The following LCK variants were observed in gnomAD, a reference collection of about 807,000 sequenced individuals.
The protein encoded by LCK is tyrosine-protein kinase Lck.
A neutral mutation model predicts 64.6 loss-of-function variants in LCK; 14 were observed. That is an observed-to-expected ratio of 0.22 (90% CI 0.14 to 0.34). The LOEUF (loss-of-function observed/expected upper bound fraction) is 0.34. LCK is among the 10% of genes least tolerant of loss of function. The pLI, the probability that LCK is intolerant of heterozygous loss-of-function variation, is 1.00. For synonymous variants in LCK, 277 were observed against 263.6 expected (o/e 1.05, Z -0.49); for missense variants, 434 against 668.1 (o/e 0.65, Z 3.86).
chr1:32,256,422 C>A (rs964040578), intron 1 of LCK, among the ~76,000 whole-genome samples: 3 of 151,974 alleles, frequency 2.0e-5, no homozygotes, highest in African/African-American at 7.2e-5. Context: ...CATGGTGAAA[C>A]CCTGTCTCTA....
In LCK at chr1:32,275,440, G is replaced by C. The variant is rs1640230929; in HGVS notation, c.377+21G>C. 1.2e-6 allele frequency: 2 copies of C among 1,612,044 alleles called. No homozygotes were observed. The highest frequency in any genetic ancestry group is 2.2e-5 in the South Asian group (2 of 90,962). On this transcript the variant is annotated intron_variant, in intron 5 of 12. Coordinates refer to ENST00000336890, the MANE Select transcript of LCK (RefSeq NM_005356.5). The surrounding 1 kb of genome is among the most constrained non-coding windows in gnomAD (Gnocchi z 6.9). ...GAACCGTAAGTGGGGACCCGTCGTG[G>C]GGGTGGGTAGGAGCAGATCTAGGGA...
At chr1:32,253,200 C>T (rs1340998889) in intron 1 of LCK, among the ~76,000 whole-genome samples, 1 of 152,092 alleles carries the variant, frequency 6.6e-6, no homozygotes, top group Non-Finnish European at 1.5e-5. Context: ...ACCCTGTCTT[C>T]GTTAAAAATG....
At chr1:32,272,623 A>AGAGAGAGAGAGAGAG in intron 1 of LCK, among the ~76,000 whole-genome samples, 1 of 123,148 alleles carries the variant, frequency 8.1e-6, no homozygotes, top group South Asian at 2.6e-4. Context: ...GAGAGAGAGA[A>AGAGAGAGAGAGAGAG]AGAGAGAGAG....
In LCK at chr1:32,276,011, C is replaced by G; in HGVS notation, c.579C>G (p.Ile193Met). The change falls in exon 7 of 13, where the codon ATC becomes ATG. Residue 193 changes from isoleucine (I) to methionine (M), a missense_variant. Coordinates refer to ENST00000336890, the MANE Select transcript of LCK (RefSeq NM_005356.5). This position sits in a 1 kb window ranked among gnomAD's most constrained non-coding sequence, Gnocchi z 4.6. ...ATCTGGACAACGGTGGCTTCTACAT[C>G]TCCCCTCGAATCACTTTTCCCGGCC... ...IRNLDNGGFY[I>M]SPRITFPGLH... The G allele has an allele frequency of 2.5e-6, 4 of 1,614,154 alleles. No homozygotes were observed. The highest frequency in any genetic ancestry group is 3.4e-6 in the Non-Finnish European group (4 of 1,180,002).
chr1:32,266,064 A>G (rs2124327754), intron 1 of LCK, among the ~76,000 whole-genome samples: 1 of 152,084 alleles, frequency 6.6e-6, no homozygotes, highest in East Asian at 1.9e-4. Flanking sequence ...GGCTCAAGTG[A>G]TCCTCCCCAC....
At chr1:32,274,206 C>T (rs1226871403) in intron 1 of LCK, 119 bp from the exon 2 acceptor site, 17 of 1,548,498 alleles carry the variant, frequency 1.1e-5, no homozygotes, top group Non-Finnish European at 1.5e-5. Context: ...GAATGGGGAT[C>T]CCAGGATCTC....
intron 1 of LCK, among the ~76,000 whole-genome samples, chr1:32,272,952 T>A (rs895036355): frequency 2.4e-5 from 3 of 126,288 alleles, no homozygotes; most frequent in African/African-American, 9.5e-5. Context: ...GAGGGGAGAA[T>A]GTGTGTGTGT....
chr1:32,257,802 G>A (rs1639665711), intron 1 of LCK, among the ~76,000 whole-genome samples: 1 of 152,114 alleles, frequency 6.6e-6, no homozygotes, highest in African/African-American at 2.4e-5. Context: ...CTGGTTGGGG[G>A]ACTTCTACTA....
At chr1:32,265,954 C>A (rs1029545566) in intron 1 of LCK, among the ~76,000 whole-genome samples, 1 of 152,126 alleles carries the variant, frequency 6.6e-6, no homozygotes, top group Non-Finnish European at 1.5e-5. Context: ...TGAGCTACAG[C>A]ACCCGGCCTT....
At chr1:32,273,368 G>A (rs1389141826) in intron 1 of LCK, among the ~76,000 whole-genome samples, 1 of 151,022 alleles carries the variant, frequency 6.6e-6, no homozygotes, top group Non-Finnish European at 1.5e-5. Flanking sequence ...GTGAGAGTGT[G>A]TGTGTGTAGG....
intron 1 of LCK, among the ~76,000 whole-genome samples, chr1:32,265,182 CAA>C (rs557764597): frequency 1.9e-4 from 18 of 95,602 alleles, no homozygotes; most frequent in Non-Finnish European, 2.0e-4. Flanking sequence ...GACTTTGTCT[CAA>C]AAAAAAAAAA....
At chr1:32,260,662 C>T (rs1282206751) in intron 1 of LCK, among the ~76,000 whole-genome samples, 2 of 152,044 alleles carry the variant, frequency 1.3e-5, no homozygotes, top group East Asian at 3.8e-4. Context: ...TTGCTCTTTC[C>T]CCCAGGCTAG....
chr1:32,261,712 T>C (rs778938167), intron 1 of LCK, among the ~76,000 whole-genome samples: 78 of 133,998 alleles, frequency 5.8e-4, no homozygotes, highest in Non-Finnish European at 1.1e-3. Context: ...CTCAGCACTT[T>C]GGAGGCCGAG....
At chr1:32,267,433 G>T (rs748805284) in intron 1 of LCK, among the ~76,000 whole-genome samples, 11 of 152,128 alleles carry the variant, frequency 7.2e-5, no homozygotes, top group Non-Finnish European at 1.3e-4. Flanking sequence ...CATGACTTCC[G>T]GTACCCATGG....
intron 12 of LCK, among the ~76,000 whole-genome samples, chr1:32,284,595 C>T (rs1640561717): frequency 1.3e-5 from 2 of 152,144 alleles, no homozygotes; most frequent in South Asian, 4.1e-4. Context: ...GTCTTGAACT[C>T]CTGGCCTCAA....
chr1:32,278,633 C>A lies in LCK; in HGVS notation c.965-1038C>A, dbSNP rs116811731. On this transcript the variant is annotated intron_variant, in intron 9 of 12. Coordinates refer to ENST00000336890, the MANE Select transcript of LCK (RefSeq NM_005356.5). ...GGATTACAGATGTGAGCCACCATGC[C>A]CAGCCTATCATGTGTATCGACTTTG... Among the ~76,000 whole-genome samples, 1,039 of 152,250 alleles carry A rather than the reference C, an allele frequency of 6.8e-3. 12 individuals carry two copies. Among genetic ancestry groups the A allele is most frequent in the African/African-American group, 0.023 (966 of 41,534 alleles).
In LCK at chr1:32,262,571, C is replaced by T. The variant is rs112787785; in HGVS notation, c.-6+11200C>T. On this transcript the variant is annotated intron_variant, in intron 1 of 12. Coordinates refer to ENST00000336890, the MANE Select transcript of LCK (RefSeq NM_005356.5). The stretch of plus-strand genomic sequence containing the variant: ...CTGAGTAGCTGGGATTACAAGCATG[C>T]GCCTAGTACACCTGGCTAATTTTTG... Among the ~76,000 whole-genome samples, 20 of 151,150 alleles carry T rather than the reference C, an allele frequency of 1.3e-4. 1 individual carries two copies. Among genetic ancestry groups the T allele is most frequent in the African/African-American group, 4.9e-4 (20 of 41,236 alleles).
In LCK at chr1:32,285,889, G is replaced by A. The variant is rs1640599705; in HGVS notation, c.*173G>A. ...CTGTACACGTGTCCTGTAGTTGCGT[G>A]GACTCTGCACATGTCTTGTACATGT... On this transcript the variant is annotated 3_prime_UTR_variant, in exon 13 of 13. Coordinates refer to ENST00000336890, the MANE Select transcript of LCK (RefSeq NM_005356.5). The A allele has an allele frequency of 1.5e-6, 1 of 662,956 alleles. No homozygotes were observed. The highest frequency in any genetic ancestry group is 2.6e-6 in the Non-Finnish European group (1 of 383,148). The allele number at this position is 662,956 out of a possible 1,614,324, so 41.1% of individuals were successfully genotyped here. A position where few individuals can be genotyped will look rare whatever the true frequency, so the allele number is the denominator to read the frequency against.
chr1:32,259,670 C>A (rs936514549), intron 1 of LCK, among the ~76,000 whole-genome samples: 1 of 150,804 alleles, frequency 6.6e-6, no homozygotes, highest in Non-Finnish European at 1.5e-5. Flanking sequence ...AATAGCCAGG[C>A]GTGGTGGCAC....
Sources: gnomAD v4.1 joint callset for allele counts (sites outside exome capture counted in the v4.1 genomes callset) on GRCh38, gnomAD v4.1.1 for gene constraint, Gnocchi (gnomAD v3.1) non-coding constraint, MANE v1.5 for transcripts, NCBI Gene and HGNC (gene_info 2026-07-23, HGNC 2026-07-21) for gene names.